Variants in TNS1 observed in about 807,000 individuals in gnomAD.
The protein encoded by TNS1 is tensin-1.
In TNS1, 62 loss-of-function variants were observed where a neutral mutation model predicts 168.6. That is an observed-to-expected ratio of 0.37 (90% CI 0.30 to 0.45). TNS1 has a LOEUF of 0.45. TNS1 is among the 20% of genes least tolerant of loss of function. The pLI, the probability that TNS1 is intolerant of heterozygous loss-of-function variation, is 1.00. For missense variants in TNS1, 2,240 were observed against 2,339.4 expected, an observed-to-expected ratio of 0.96 and a Z score of 0.88; for synonymous variants, 934 against 933.2, an observed-to-expected ratio of 1.00 and a Z score of -0.02.
At chr2:217,991,138 T>C in intron 1 of TNS1, 82 bp from the exon 2 acceptor site, 1 of 488,786 alleles carries the variant, frequency 2.0e-6, no homozygotes. Context: ...GGGGGAGAGG[T>C]AGGCAGGGAC....
intron 2 of TNS1, among the ~76,000 whole-genome samples, chr2:217,979,528 G>GACACACACACAC (rs35499293): frequency 2.0e-5 from 3 of 146,706 alleles, no homozygotes; most frequent in African/African-American, 5.2e-5. Context: ...GAAACACACA[G>GACACACACACAC]ACACACACAC....
rs1461887582 is a variant in TNS1, at chr2:217,848,139, T to G, written c.2378A>C (p.Glu793Ala). The G allele has an allele frequency of 6.3e-7, 1 of 1,596,020 alleles. No homozygotes were observed. Among genetic ancestry groups the G allele is most frequent in the African/African-American group, 1.3e-5 (1 of 74,448 alleles). Reference protein sequence around the residue: ...QQPRPPPRQQERAHLESLVAS... With the variant: ...QQPRPPPRQQARAHLESLVAS... ...TACAAGACTCTCCAAGTGGGCTCTTTCCTGCTGGCGTGGAGGTGGGCGAGG... is the reference window on the plus strand; with the variant it reads ...TACAAGACTCTCCAAGTGGGCTCTTGCCTGCTGGCGTGGAGGTGGGCGAGG... The change falls in exon 19 of 33, where the codon GAA (glutamate) becomes GCA (alanine). Residue 793 changes from glutamate to alanine, a missense_variant. Glu to Ala is a moderately radical substitution (Grantham distance 107, BLOSUM62 -1). Transcript: ENST00000682258.
intron 1 of TNS1, among the ~76,000 whole-genome samples, chr2:218,001,169 A>G (rs529657969): frequency 4.6e-5 from 7 of 151,852 alleles, no homozygotes; most frequent in Non-Finnish European, 5.9e-5. Flanking sequence ...AAAAAAAATG[A>G]ATAAATAAAA....
intron 29 of TNS1, 51 bp downstream of exon 29, chr2:217,810,196 GA>G (rs1324708638): frequency 8.1e-6 from 13 of 1,599,234 alleles, no homozygotes; most frequent in African/African-American, 2.7e-5. Context: ...GTCAGGGCAG[GA>G]AGGCAGAAAG....
At chr2:217,997,635 C>T (rs537321957) in intron 1 of TNS1, among the ~76,000 whole-genome samples, 12 of 152,278 alleles carry the variant, frequency 7.9e-5, no homozygotes, top group Admixed American at 4.6e-4. Context: ...TGCAGTCTAA[C>T]GGCCCCTGCA....
Position 217,885,830 on chromosome 2 carries a change from G to A in TNS1, c.1041-11C>T, listed in dbSNP as rs1249305178. On this transcript the variant is annotated splice_polypyrimidine_tract_variant and intron_variant, in intron 14 of 32. Transcript: ENST00000682258. The stretch of plus-strand genomic sequence containing the variant: ...TCTCCTGGGATGTTGCTAAGGGAGA[G>A]AGGTGGGCAGAAAAAGAGTGGGCTG... 2.5e-6 allele frequency: 4 copies of A among 1,614,018 alleles called. No individual in the cohort carries two copies. The South Asian group carries it at 4.4e-5, about 18-fold the overall frequency.
chr2:217,849,999 C>T (rs945269774), intron 18 of TNS1: 45 of 985,230 alleles, frequency 4.6e-5, no homozygotes, highest in Non-Finnish European at 5.2e-5. Flanking sequence ...ATTCATGCTG[C>T]CCACTGCCAC....
intron 7 of TNS1, among the ~76,000 whole-genome samples, chr2:217,899,024 A>C (rs1952638404): frequency 6.6e-6 from 1 of 152,214 alleles, no homozygotes; most frequent in Non-Finnish European, 1.5e-5. Flanking sequence ...CAGCGGGATA[A>C]AGTGGAGAGT....
chr2:217,863,425 A>C (rs1948977058), intron 18 of TNS1, among the ~76,000 whole-genome samples: 1 of 152,128 alleles, frequency 6.6e-6, no homozygotes, highest in Admixed American at 6.5e-5. Flanking sequence ...AACATCCTAC[A>C]ATACACAGGA....
chr2:217,937,166 A>T, intron 3 of TNS1: 1 of 385,934 alleles, frequency 2.6e-6, no homozygotes. Flanking sequence ...GTTTTGCAGC[A>T]ACACTCTGTC....
intron 3 of TNS1, among the ~76,000 whole-genome samples, chr2:217,963,552 A>G (rs1176626532): frequency 6.6e-6 from 1 of 152,148 alleles, no homozygotes; most frequent in Non-Finnish European, 1.5e-5. Context: ...AGCTATAAGC[A>G]GGGGAGGCAG....
chr2:217,866,132 T>C (rs1254066713), intron 18 of TNS1, among the ~76,000 whole-genome samples: 2 of 152,186 alleles, frequency 1.3e-5, no homozygotes, highest in Admixed American at 6.5e-5. Flanking sequence ...TCTCCAACTC[T>C]GCCCCTAGAT....
In TNS1 at chr2:217,848,009, T is replaced by G; in HGVS notation, c.2508A>C (p.Thr836=). ...SQQEIEQSIE[T]LNMLMLDLEP... is the part of the protein sequence containing the mutation. The stretch of plus-strand genomic sequence containing the variant: ...CCAGGTCCAGCATCAGCATATTGAG[T>G]GTTTCGATGGACTGTTCAATCTCCT... Residue 836 remains threonine (T), a synonymous_variant, in exon 19 of 33, where the codon ACA becomes ACC. Coordinates refer to ENST00000682258, the MANE Select transcript of TNS1 (RefSeq NM_001387777.1). The G allele has an allele frequency of 3.3e-6, 5 of 1,512,392 alleles. No homozygotes were observed. Among genetic ancestry groups the G allele is most frequent in the Non-Finnish European group, 4.4e-6 (5 of 1,128,094 alleles). 93.7% of individuals were successfully genotyped at this position (1,512,392 alleles called of 1,614,324 possible). A position where few individuals can be genotyped will look rare whatever the true frequency, so the allele number is the denominator to read the frequency against.
intron 3 of TNS1, among the ~76,000 whole-genome samples, chr2:217,966,308 T>TGTGCGC (rs372273499): frequency 1.6e-3 from 211 of 133,718 alleles, no homozygotes; most frequent in South Asian, 4.4e-3. Flanking sequence ...TGTGTGTGTG[T>TGTGCGC]GCGCGCGCGC....
At chr2:217,949,374 C>T (rs1052421102) in intron 3 of TNS1, among the ~76,000 whole-genome samples, 1 of 152,242 alleles carries the variant, frequency 6.6e-6, no homozygotes, top group Non-Finnish European at 1.5e-5. Context: ...TCCCTTGGAC[C>T]TATCCCTGCA....
intron 18 of TNS1, among the ~76,000 whole-genome samples, chr2:217,867,395 AT>A (rs967769138): frequency 6.6e-6 from 1 of 152,156 alleles, no homozygotes; most frequent in African/African-American, 2.4e-5. Context: ...TCACTGCAGC[AT>A]TTTTTTGGAA....
At chr2:217,934,081 A>G (rs1321838559) in intron 3 of TNS1, among the ~76,000 whole-genome samples, 1 of 152,230 alleles carries the variant, frequency 6.6e-6, no homozygotes, top group African/African-American at 2.4e-5. Context: ...GAGGCTACTG[A>G]ACCTTACAGC....
rs116450983 is a variant in TNS1 at position 217,977,522 on chromosome 2, A to G, written c.186+1243T>C. 4.7e-3 allele frequency among the ~76,000 whole-genome samples: 723 copies of G among 152,352 alleles called. 3 individuals carry two copies. The highest frequency in any genetic ancestry group is 0.017 in the African/African-American group (697 of 41,578). On this transcript the variant is annotated intron_variant, in intron 3 of 32. Transcript: ENST00000682258. Reference sequence around the variant, plus strand: ...CTTGATCCGTCAGCACCCCTTCCCCAAGGTAACACTTGTCCCTCTAAGCTC... The same window carrying G: ...CTTGATCCGTCAGCACCCCTTCCCCGAGGTAACACTTGTCCCTCTAAGCTC...
chr2:217,867,929 G>A (rs1949425002), intron 18 of TNS1, among the ~76,000 whole-genome samples: 1 of 152,172 alleles, frequency 6.6e-6, no homozygotes, highest in Non-Finnish European at 1.5e-5. Flanking sequence ...TTTTGCCAGG[G>A]TATTTCTCAA....
Sources: allele counts gnomAD v4.1 joint callset (sites outside exome capture counted in the v4.1 genomes callset), GRCh38; gene constraint gnomAD v4.1.1; transcripts MANE v1.5; gene names NCBI Gene and HGNC (gene_info 2026-07-23, HGNC 2026-07-21).